Variants in ELFN1 observed in about 807,000 individuals in gnomAD.
The protein encoded by ELFN1 is protein ELFN1.
A neutral mutation model predicts 7.6 loss-of-function variants in ELFN1; 6 were observed. That is an observed-to-expected ratio of 0.79 (90% CI 0.43 to 1.56). The LOEUF (loss-of-function observed/expected upper bound fraction) is 1.56, where lower values mean the gene tolerates loss of function less well. ELFN1 is among the 40% of genes most tolerant of loss of function. The pLI is 0.01. For missense variants in ELFN1, 1,169 were observed against 1,232.2 expected (o/e 0.95, Z 0.77); for synonymous variants, 657 against 588.1 (o/e 1.12, Z -1.70).
chr7:1,734,149 C>T (rs906358885), intron 3 of ELFN1, among the ~76,000 whole-genome samples: 1 of 152,114 alleles, frequency 6.6e-6, no homozygotes, highest in Non-Finnish European at 1.5e-5. Context: ...GTTATGAGGG[C>T]GTGATGAGGA....
Position 1,679,857 on chromosome 7 carries a change from G to A in ELFN1, c.-548-8201G>A, listed in dbSNP as rs570194651. Among the ~76,000 whole-genome samples the A allele has an allele frequency of 1.3e-4, 20 of 152,340 alleles. No homozygotes were observed. The South Asian group carries it at 4.1e-3, about 32-fold the overall frequency. ...CCCAGTCCTCTGAAAGCCCCATTGT[G>A]CAGGGTCACCTTTGCCTTGTCCTGT... On this transcript the variant is annotated intron_variant, in intron 1 of 3. Coordinates refer to ENST00000424383, the MANE Select transcript of ELFN1 (RefSeq NM_001128636.4).
intron 3 of ELFN1, among the ~76,000 whole-genome samples, chr7:1,729,814 C>T (rs1035154106): frequency 3.9e-5 from 6 of 152,222 alleles, no homozygotes; most frequent in Non-Finnish European, 8.8e-5. Flanking sequence ...TTAGAACAGC[C>T]GTCCCGAAGG....
Position 1,747,750 on chromosome 7 carries a change from G to T in ELFN1, c.*667G>T. 6.0e-6 allele frequency: 1 copy of T among 166,090 alleles called. No homozygotes were observed. The allele number at this position is 166,090 out of a possible 1,614,324, so 10.3% of individuals were successfully genotyped here. A position where few individuals can be genotyped will look rare whatever the true frequency, so the allele number is the denominator to read the frequency against. On this transcript the variant is annotated 3_prime_UTR_variant, in exon 4 of 4. Coordinates refer to ENST00000424383, the MANE Select transcript of ELFN1 (RefSeq NM_001128636.4). ...TGTGGACGGCCGGGGTGGCCAGGAC[G>T]GCCAAGGGCTGGGAGGCACGTCCCC... is the stretch of plus-strand genomic sequence containing the variant.
intron 3 of ELFN1, among the ~76,000 whole-genome samples, chr7:1,714,388 C>T (rs1459285915): frequency 6.6e-6 from 1 of 152,200 alleles, no homozygotes; most frequent in African/African-American, 2.4e-5. Context: ...TGTCCGTTCA[C>T]CACCCCCCAC....
intron 3 of ELFN1, among the ~76,000 whole-genome samples, chr7:1,718,022 A>C (rs377255894): frequency 1.3e-5 from 2 of 152,162 alleles, no homozygotes; most frequent in African/African-American, 4.8e-5. Flanking sequence ...AAACAGCCAG[A>C]AGTCAGTGGC....
intron 2 of ELFN1, chr7:1,692,470 C>A (rs868022255): frequency 6.6e-6 from 1 of 152,528 alleles, no homozygotes; most frequent in African/African-American, 2.4e-5. Flanking sequence ...GGGCTGGGAG[C>A]TTAGGGATCT....
chr7:1,743,154 C>G (rs1016503321), intron 3 of ELFN1, among the ~76,000 whole-genome samples: 3 of 152,186 alleles, frequency 2.0e-5, no homozygotes, highest in African/African-American at 4.8e-5. Context: ...CCTCCAGCCC[C>G]GTCTGCAGGG....
chr7:1,706,093 C>A (rs141141858), intron 2 of ELFN1, among the ~76,000 whole-genome samples: 1 of 152,202 alleles, frequency 6.6e-6, no homozygotes, highest in Non-Finnish European at 1.5e-5. Flanking sequence ...CGATCCACCG[C>A]GGACCACATA....
chr7:1,693,801 C>T (rs1434676692), intron 2 of ELFN1: 3 of 470,114 alleles, frequency 6.4e-6, no homozygotes, highest in East Asian at 7.0e-5. Flanking sequence ...GTGCGGGACA[C>T]GTGGGATGGG....
chr7:1,747,302 C>CCACACACACACACACACA lies in ELFN1; in HGVS notation c.*235_*252dup. 1 of 267,068 alleles carries CCACACACACACACACACA rather than the reference C, an allele frequency of 3.7e-6. No homozygotes were observed. Among genetic ancestry groups the CCACACACACACACACACA allele is most frequent in the African/African-American group, 3.2e-5 (1 of 30,844 alleles). 16.5% of individuals were successfully genotyped at this position (267,068 alleles called of 1,614,324 possible). On this transcript the variant is annotated 3_prime_UTR_variant, in exon 4 of 4. Transcript: ENST00000424383. ...GCTTGTCGCCCCGGGTGGCACGTGT[C>CCACACACACACACACACA]CACACACACACACACACACACACAC...
At chr7:1,715,854 C>T (rs1419964612) in intron 3 of ELFN1, among the ~76,000 whole-genome samples, 3 of 152,186 alleles carry the variant, frequency 2.0e-5, no homozygotes, top group Non-Finnish European at 4.4e-5. Context: ...TTGCCCATCC[C>T]TGCCGCAGAG....
intron 2 of ELFN1, among the ~76,000 whole-genome samples, chr7:1,698,731 T>C (rs1234054820): frequency 6.6e-6 from 1 of 152,236 alleles, no homozygotes; most frequent in African/African-American, 2.4e-5. Flanking sequence ...TTCTGGTCTT[T>C]TTTCTTCTTT....
At chr7:1,727,513 G>T (rs2128596771) in intron 3 of ELFN1, among the ~76,000 whole-genome samples, 1 of 152,208 alleles carries the variant, frequency 6.6e-6, no homozygotes, top group South Asian at 2.1e-4. Context: ...CCCTAGAAGG[G>T]TAGCCCCAAG....
chr7:1,707,575 A>C (rs1779561947), intron 2 of ELFN1, among the ~76,000 whole-genome samples: 1 of 152,166 alleles, frequency 6.6e-6, no homozygotes. Flanking sequence ...AGGGCGGCTC[A>C]CAGAGCAAAG....
At chr7:1,738,380 C>A (rs554724280) in intron 3 of ELFN1, among the ~76,000 whole-genome samples, 20 of 152,194 alleles carry the variant, frequency 1.3e-4, no homozygotes, top group Admixed American at 5.9e-4. Flanking sequence ...GACCCCCTAA[C>A]CCCCTGCGGG....
intron 3 of ELFN1, among the ~76,000 whole-genome samples, chr7:1,712,746 A>C (rs999709405): frequency 3.3e-5 from 5 of 152,148 alleles, no homozygotes; most frequent in African/African-American, 1.2e-4. Context: ...TTTCCTTTTT[A>C]AAAGTCAGAC....
In ELFN1 at chr7:1,746,790, C is replaced by G. The variant is rs913541918; in HGVS notation, c.2194C>G (p.Arg732Gly). The change falls in exon 4 of 4, where the codon CGC becomes GGC. Residue 732 changes from arginine to glycine, a missense_variant. Around this residue, in one of 2 missense-constraint regions of ELFN1, gnomAD observed 914 missense variants for 872.6 expected, o/e 1.05. Coordinates refer to ENST00000424383, the MANE Select transcript of ELFN1 (RefSeq NM_001128636.4). ...GCCGCCTCCGCACGAGGGCCTGGGG[C>G]GCAAGGCGTCCATCCTGGAGCCACT... ...PPPPPHEGLG[R>G]KASILEPLTR... The G allele has an allele frequency of 9.2e-6, 14 of 1,528,338 alleles. 1 individual carries two copies. The South Asian group carries it at 1.7e-4, about 19-fold the overall frequency. The allele number at this position is 1,528,338 out of a possible 1,614,324, so 94.7% of individuals were successfully genotyped here.
chr7:1,725,520 C>T (rs1299304307), intron 3 of ELFN1, among the ~76,000 whole-genome samples: 1 of 152,144 alleles, frequency 6.6e-6, no homozygotes, highest in Non-Finnish European at 1.5e-5. Flanking sequence ...AGGCCTCCCT[C>T]CCGGGCCGGC....
intron 3 of ELFN1, among the ~76,000 whole-genome samples, chr7:1,724,853 C>A (rs1233837901): frequency 2.0e-5 from 3 of 152,232 alleles, no homozygotes; most frequent in African/African-American, 7.2e-5. Context: ...ACCCCTGGCA[C>A]CCCTTTTGGC....
Sources: gnomAD v4.1 joint callset for allele counts (sites outside exome capture counted in the v4.1 genomes callset) on GRCh38, gnomAD v4.1.1 for gene constraint, gnomAD v4.1.1 regional missense constraint, MANE v1.5 for transcripts, NCBI Gene and HGNC (gene_info 2026-07-23, HGNC 2026-07-21) for gene names.